Variants in CELF2 observed in about 807,000 individuals in gnomAD.
CELF2 encodes CUGBP Elav-like family member 2, also known as CUG triplet repeat RNA-binding protein 2.
A neutral mutation model predicts 62.6 loss-of-function variants in CELF2; 8 were observed. The observed-to-expected ratio is 0.13, with a 90% CI of 0.07 to 0.23. CELF2 has a LOEUF of 0.23. Ranked by LOEUF, CELF2 falls within the 10% of genes least tolerant of loss-of-function variation. CELF2 has a pLI of 1.00. For missense variants in CELF2, 333 were observed against 671.0 expected, an observed-to-expected ratio of 0.50 and a Z score of 5.56; for synonymous variants, 258 against 250.0, an observed-to-expected ratio of 1.03 and a Z score of -0.30.
chr10:11,191,967 CAG>C lies in CELF2; in HGVS notation c.272-25457_272-25456del, dbSNP rs1208270409. Among the ~76,000 whole-genome samples, 1 of 152,168 alleles carries C rather than the reference CAG, an allele frequency of 6.6e-6. No homozygotes were observed. Among genetic ancestry groups the C allele is most frequent in the Non-Finnish European group, 1.5e-5 (1 of 68,032 alleles). ...ACCCCAGGGAATTTTCCTGACAAGTCAGTGTCATTTTATGGGTTATTGCTGTT... is the reference window on the plus strand; with the variant it reads ...ACCCCAGGGAATTTTCCTGACAAGTCTGTCATTTTATGGGTTATTGCTGTT... On this transcript the variant is annotated intron_variant, in intron 2 of 12. Transcript: ENST00000633077. The surrounding 1 kb of genome is among the most constrained non-coding windows in gnomAD (Gnocchi z 4.1).
the CELF2 span, among the ~76,000 whole-genome samples, chr10:10,761,510 T>C: frequency 6.6e-6 from 1 of 152,236 alleles, no homozygotes; most frequent in African/African-American, 2.4e-5. Context: ...TGGGTGTTCC[T>C]GTGAGGGTGT....
intron 8 of CELF2, among the ~76,000 whole-genome samples, chr10:11,281,947 G>A (rs1290113898): frequency 6.6e-6 from 1 of 152,178 alleles, no homozygotes; most frequent in Non-Finnish European, 1.5e-5. Context: ...CTGGGGCAGG[G>A]AGCGGCACTT....
chr10:10,577,826 G>A, the CELF2 span, among the ~76,000 whole-genome samples: 11 of 152,126 alleles, frequency 7.2e-5, no homozygotes, highest in African/African-American at 2.2e-4. Flanking sequence ...ACATACGTGT[G>A]CATGTGTCTT....
chr10:10,901,070 C>G (rs1284126526), intron 1 of CELF2, among the ~76,000 whole-genome samples: 1 of 152,118 alleles, frequency 6.6e-6, no homozygotes, highest in African/African-American at 2.4e-5. Context: ...ATTTATGGGT[C>G]AGAAGACTCA....
At chr10:10,900,296 C>T (rs1322275138) in intron 1 of CELF2, among the ~76,000 whole-genome samples, 1 of 152,142 alleles carries the variant, frequency 6.6e-6, no homozygotes, top group Non-Finnish European at 1.5e-5. Flanking sequence ...AGATCAGTAT[C>T]CCTGGTGAAC....
the CELF2 span, among the ~76,000 whole-genome samples, chr10:10,562,663 A>G: frequency 6.6e-6 from 1 of 151,896 alleles, no homozygotes; most frequent in Non-Finnish European, 1.5e-5. Flanking sequence ...TCCTGAAGTT[A>G]CCCACACAAG....
At chr10:11,167,844 T>G (rs2067685921) in intron 2 of CELF2, among the ~76,000 whole-genome samples, 1 of 152,146 alleles carries the variant, frequency 6.6e-6, no homozygotes, top group African/African-American at 2.4e-5. Flanking sequence ...ATCCAGAAGG[T>G]AGGTGGTGGT....
chr10:10,871,433 G>A (rs2060740354), intron 1 of CELF2, among the ~76,000 whole-genome samples: 1 of 152,184 alleles, frequency 6.6e-6, no homozygotes, highest in African/African-American at 2.4e-5. Context: ...TTGACGTCTG[G>A]AGTTGTTTTA....
At chr10:10,639,661 G>C in the CELF2 span, among the ~76,000 whole-genome samples, 3 of 152,186 alleles carry the variant, frequency 2.0e-5, no homozygotes, top group African/African-American at 7.2e-5. Flanking sequence ...GGAAGTCCCT[G>C]ATCAATATCT....
In CELF2 at chr10:11,098,856, C is replaced by T. The variant is rs1416670714; in HGVS notation, c.75-66630C>T. On this transcript the variant is annotated intron_variant, in intron 1 of 12. Coordinates refer to ENST00000633077, the MANE Select transcript of CELF2 (RefSeq NM_001326342.2). The surrounding 1 kb of genome is among the most constrained non-coding windows in gnomAD (Gnocchi z 4.0). ...ATAATTCTACCTGGGCAGCAGGCCA[C>T]GCGTGAGAGCAGCTTCCCCGAACCT... Among the ~76,000 whole-genome samples, 2 of 152,200 alleles carry T rather than the reference C, an allele frequency of 1.3e-5. No individual in the cohort carries two copies. The highest frequency in any genetic ancestry group is 2.9e-5 in the Non-Finnish European group (2 of 68,026).
chr10:10,703,837 G>A, the CELF2 span, among the ~76,000 whole-genome samples: 1 of 152,216 alleles, frequency 6.6e-6, no homozygotes, highest in Non-Finnish European at 1.5e-5. Context: ...AACTAAGTTA[G>A]ACCTCCTTGT....
intron 1 of CELF2, among the ~76,000 whole-genome samples, chr10:11,123,940 AAAGAGGTTT>A (rs1421787533): frequency 6.6e-6 from 1 of 152,206 alleles, no homozygotes; most frequent in Non-Finnish European, 1.5e-5. Flanking sequence ...TTATAAAGAA[AAAGAGGTTT>A]AACTCACAGT....
intron 1 of CELF2, among the ~76,000 whole-genome samples, chr10:11,068,081 T>C (rs918678199): frequency 5.3e-5 from 8 of 152,184 alleles, no homozygotes; most frequent in African/African-American, 1.2e-4. Flanking sequence ...TTATTTCACA[T>C]AGTGTGGAGA....
chr10:10,689,009 T>TAA, the CELF2 span, among the ~76,000 whole-genome samples: 18 of 150,214 alleles, frequency 1.2e-4, no homozygotes, highest in African/African-American at 3.9e-4. Context: ...ATCTCTCTCC[T>TAA]AAAAAAAAAG....
the CELF2 span, among the ~76,000 whole-genome samples, chr10:10,536,051 T>C: frequency 1.3e-5 from 2 of 150,966 alleles, no homozygotes; most frequent in Admixed American, 1.3e-4. Context: ...GACAGAGTCT[T>C]GCTCTGTCGC....
At chr10:10,944,343 A>G (rs1390194711) in intron 2 of CELF2, 4 of 152,680 alleles carry the variant, frequency 2.6e-5, no homozygotes, top group Admixed American at 6.5e-5. Context: ...AATATTTTGC[A>G]TGAGAAGAGC....
chr10:10,867,525 A>G (rs2060464558), intron 1 of CELF2, among the ~76,000 whole-genome samples: 1 of 152,126 alleles, frequency 6.6e-6, no homozygotes, highest in Non-Finnish European at 1.5e-5. Flanking sequence ...CTCTTCTTTC[A>G]TATCGCTAAT....
chr10:10,866,278 G>A (rs1232335243), intron 1 of CELF2, among the ~76,000 whole-genome samples: 3 of 151,978 alleles, frequency 2.0e-5, no homozygotes, highest in Non-Finnish European at 4.4e-5. Context: ...GGAATGCCCT[G>A]GTGTAGGGAA....
intron 2 of CELF2, among the ~76,000 whole-genome samples, chr10:10,998,676 G>T (rs752802616): frequency 1.3e-5 from 2 of 152,160 alleles, no homozygotes; most frequent in Non-Finnish European, 2.9e-5. Context: ...GGGAAGAAAT[G>T]AGGTGACACC....
Sources: allele counts gnomAD v4.1 joint callset (sites outside exome capture counted in the v4.1 genomes callset), GRCh38; gene constraint gnomAD v4.1.1; non-coding constraint Gnocchi (gnomAD v3.1); transcripts MANE v1.5; gene names NCBI Gene and HGNC (gene_info 2026-07-23, HGNC 2026-07-21).